Variants in PGR observed in about 807,000 individuals in gnomAD.
PGR encodes nuclear receptor subfamily 3 group C member 3.
In PGR, 25 loss-of-function variants were observed where a neutral mutation model predicts 76.1. The ratio of observed to expected loss-of-function variants is 0.33; its 90% CI spans 0.24 to 0.46. PGR has a LOEUF of 0.46. PGR is among the 20% of genes least tolerant of loss of function. PGR has a pLI of 1.00. For missense variants in PGR, 1,172 were observed against 1,225.3 expected, an observed-to-expected ratio of 0.96 and a Z score of 0.65; for synonymous variants, 579 against 535.0, an observed-to-expected ratio of 1.08 and a Z score of -1.14.
rs970646085 is a variant in PGR at position 101,032,538 on chromosome 11, T to C, written c.*6578A>G. 8 of 232,278 alleles carry C rather than the reference T, an allele frequency of 3.4e-5. No homozygotes were observed. Among genetic ancestry groups the C allele is most frequent in the Admixed American group, 1.7e-4 (3 of 17,752 alleles). The allele number at this position is 232,278 out of a possible 1,614,324, so 14.4% of individuals were successfully genotyped here. A position where few individuals can be genotyped will look rare whatever the true frequency, so the allele number is the denominator to read the frequency against. ...CCATCAGGTTTGTGCAAATGTTGTT[T>C]GGGATACTCTTCTCTCTTTGGAATC... is the stretch of plus-strand genomic sequence containing the variant. On this transcript the variant is annotated 3_prime_UTR_variant, in exon 8 of 8. Transcript: ENST00000325455.
chr11:101,062,818 A>C, intron 3 of PGR, 66 bp from the exon 4 acceptor site: 1 of 1,106,726 alleles, frequency 9.0e-7, no homozygotes, highest in Admixed American at 2.2e-5. Context: ...GTATAGTATT[A>C]TTTTTCCTAA....
intron 3 of PGR, among the ~76,000 whole-genome samples, chr11:101,068,261 C>A (rs2135419840): frequency 6.6e-6 from 1 of 152,246 alleles, no homozygotes; most frequent in South Asian, 2.1e-4. Context: ...TGAGTGAACT[C>A]CCATTCACAA....
chr11:101,097,778 CTTT>C (rs145454653), intron 2 of PGR, among the ~76,000 whole-genome samples: 12 of 129,766 alleles, frequency 9.2e-5, no homozygotes, highest in Non-Finnish European at 8.1e-5. Context: ...AAGTGTTACT[CTTT>C]TTTTTTTTTT....
chr11:101,089,322 T>A (rs1039995202), intron 3 of PGR, among the ~76,000 whole-genome samples: 2 of 152,230 alleles, frequency 1.3e-5, no homozygotes, highest in African/African-American at 2.4e-5. Flanking sequence ...TAGTTAAGAA[T>A]GTATATTAAT....
rs1323280535 is a variant in PGR at position 101,034,459 on chromosome 11, T to C, written c.*4657A>G. 2 of 183,596 alleles carry C rather than the reference T, an allele frequency of 1.1e-5. No individual in the cohort carries two copies. Among genetic ancestry groups the C allele is most frequent in the Non-Finnish European group, 1.2e-5 (1 of 86,462 alleles). The allele number at this position is 183,596 out of a possible 1,614,324, so 11.4% of individuals were successfully genotyped here. ...ATAGGATATTCAGAGAAGGTATGTA[T>C]TGAATAATTTCTGCCATGAACAGCT... On this transcript the variant is annotated 3_prime_UTR_variant, in exon 8 of 8. Coordinates refer to ENST00000325455, the MANE Select transcript of PGR (RefSeq NM_000926.4).
chr11:101,099,998 G>C (rs1047746474), intron 2 of PGR, among the ~76,000 whole-genome samples: 1 of 152,146 alleles, frequency 6.6e-6, no homozygotes, highest in South Asian at 2.1e-4. Flanking sequence ...TGCTGAATTG[G>C]GGCAAAGAAG....
chr11:101,088,161 G>A (rs1385527611), intron 3 of PGR, among the ~76,000 whole-genome samples: 2 of 152,142 alleles, frequency 1.3e-5, no homozygotes, highest in Non-Finnish European at 2.9e-5. Context: ...TTGTGCCACA[G>A]CACTCCAGTC....
At position 101,112,124 on chromosome 11, in the gene PGR, C is replaced by A. The variant is rs147707554; in HGVS notation, c.1789+13883G>T. Among the ~76,000 whole-genome samples the A allele has an allele frequency of 3.2e-3, 484 of 152,178 alleles. 4 individuals carry two copies. The highest frequency in any genetic ancestry group is 0.011 in the African/African-American group (457 of 41,522). On this transcript the variant is annotated intron_variant, in intron 2 of 7. Transcript: ENST00000325455. Reference sequence around the variant, plus strand: ...AGATTTAGTAACATGGTAACCTTGACAAGAGAAGTTTTGGTGGAGTGACAG... The same window carrying A: ...AGATTTAGTAACATGGTAACCTTGAAAAGAGAAGTTTTGGTGGAGTGACAG...
rs1342893612 is a variant in PGR, at chr11:101,032,624, G to C, written c.*6492C>G. On this transcript the variant is annotated 3_prime_UTR_variant, in exon 8 of 8. Coordinates refer to ENST00000325455, the MANE Select transcript of PGR (RefSeq NM_000926.4). ...GGCATCTCCTCACCACGCACGTTCT[G>C]CTAATTCCTAAACTGCTTATAGATT... The C allele has an allele frequency of 4.4e-6, 1 of 224,776 alleles. No homozygotes were observed. The highest frequency in any genetic ancestry group is 5.7e-5 in the Admixed American group (1 of 17,476). The allele number at this position is 224,776 out of a possible 1,614,324, so 13.9% of individuals were successfully genotyped here.
At chr11:101,092,596 A>G (rs1861708925) in intron 2 of PGR, among the ~76,000 whole-genome samples, 1 of 152,336 alleles carries the variant, frequency 6.6e-6, no homozygotes, top group South Asian at 2.1e-4. Context: ...CTTTGTGTAG[A>G]GGAAACTATG....
chr11:101,128,801 A>G lies in PGR; in HGVS notation c.270T>C (p.Ala90=). The part of the protein sequence containing the change: ...LSDVEGAYSR[A]EATRGAGGSS... The stretch of plus-strand genomic sequence containing the variant: ...TGCCTCCAGCACCCCTTGTAGCTTC[A>G]GCTCTGGAATATGCGCCCTCCACGT... The change falls in exon 1 of 8, where the codon GCT becomes GCC. Residue 90 remains alanine (A), a synonymous_variant. Transcript: ENST00000325455. The G allele has an allele frequency of 1.9e-6, 3 of 1,614,146 alleles. No homozygotes were observed. Among genetic ancestry groups the G allele is most frequent in the Non-Finnish European group, 2.5e-6 (3 of 1,180,040 alleles).
At chr11:101,064,992 T>A (rs999198943) in intron 3 of PGR, among the ~76,000 whole-genome samples, 1 of 152,238 alleles carries the variant, frequency 6.6e-6, no homozygotes, top group African/African-American at 2.4e-5. Context: ...CCAAACAGCC[T>A]AGGTGTGTAG....
intron 3 of PGR, among the ~76,000 whole-genome samples, chr11:101,085,918 C>G (rs1455790223): frequency 6.6e-6 from 1 of 152,102 alleles, no homozygotes; most frequent in Non-Finnish European, 1.5e-5. Context: ...AAGCACTGAA[C>G]AGACCAATAT....
At chr11:101,122,241 A>G (rs1211249242) in intron 2 of PGR, among the ~76,000 whole-genome samples, 1 of 152,120 alleles carries the variant, frequency 6.6e-6, no homozygotes, top group Non-Finnish European at 1.5e-5. Flanking sequence ...TAAGTAATAC[A>G]TTTCAATTGT....
In PGR at chr11:101,032,872, A is replaced by G. The variant is rs1055129884; in HGVS notation, c.*6244T>C. On this transcript the variant is annotated 3_prime_UTR_variant, in exon 8 of 8. Coordinates refer to ENST00000325455, the MANE Select transcript of PGR (RefSeq NM_000926.4). ...TCCACAATCTAGCAGAGTGACTGGCATACAGCACAGTAAAGGCTTCACAGC... is the reference window on the plus strand; with the variant it reads ...TCCACAATCTAGCAGAGTGACTGGCGTACAGCACAGTAAAGGCTTCACAGC... 5.3e-6 allele frequency: 1 copy of G among 187,732 alleles called. No homozygotes were observed. Among genetic ancestry groups the G allele is most frequent in the East Asian group, 8.6e-5 (1 of 11,658 alleles). The allele number at this position is 187,732 out of a possible 1,614,324, so 11.6% of individuals were successfully genotyped here.
intron 2 of PGR, among the ~76,000 whole-genome samples, chr11:101,104,774 T>A (rs1862099656): frequency 2.0e-5 from 3 of 152,250 alleles, no homozygotes. Flanking sequence ...CAGATTATTA[T>A]CCAAATTTTT....
intron 2 of PGR, among the ~76,000 whole-genome samples, chr11:101,118,092 G>T (rs527976881): frequency 7.9e-5 from 12 of 152,162 alleles, no homozygotes; most frequent in Non-Finnish European, 1.6e-4. Context: ...CACACACACT[G>T]CAGGCTCCTT....
chr11:101,059,014 T>C (rs1288579168), intron 4 of PGR, among the ~76,000 whole-genome samples: 1 of 152,102 alleles, frequency 6.6e-6, no homozygotes, highest in Non-Finnish European at 1.5e-5. Context: ...TATAAAATTT[T>C]TGATGTTACT....
intron 2 of PGR, among the ~76,000 whole-genome samples, chr11:101,123,861 CTAACTA>C (rs1187995541): frequency 1.3e-5 from 2 of 152,184 alleles, no homozygotes; most frequent in Non-Finnish European, 2.9e-5. Flanking sequence ...TGTTACCTCC[CTAACTA>C]TATTACAAGT....
Sources: allele counts gnomAD v4.1 joint callset (sites outside exome capture counted in the v4.1 genomes callset), GRCh38; gene constraint gnomAD v4.1.1; transcripts MANE v1.5; gene names NCBI Gene and HGNC (gene_info 2026-07-23, HGNC 2026-07-21).